GNAQ: variants seen among roughly 807,000 people sequenced by gnomAD.
GNAQ encodes the protein guanine nucleotide-binding protein G(q) subunit alpha.
A neutral mutation model predicts 43.9 loss-of-function variants in GNAQ; 8 were observed. That is an observed-to-expected ratio of 0.18 (90% CI 0.11 to 0.33). GNAQ has a LOEUF of 0.33. GNAQ is among the 10% of genes least tolerant of loss of function. GNAQ has a pLI of 1.00. For synonymous variants in GNAQ, 155 were observed against 170.7 expected, an observed-to-expected ratio of 0.91 and a Z score of 0.71; for missense variants, 158 against 450.8, an observed-to-expected ratio of 0.35 and a Z score of 5.88.
At chr9:77,860,582 C>T (rs1324554479) in intron 2 of GNAQ, among the ~76,000 whole-genome samples, 1 of 152,170 alleles carries the variant, frequency 6.6e-6, no homozygotes, top group Non-Finnish European at 1.5e-5. Flanking sequence ...GCACAGTTCA[C>T]AATAGGGTTT....
At chr9:77,785,010 T>G (rs1041902784) in intron 5 of GNAQ, among the ~76,000 whole-genome samples, 15 of 152,196 alleles carry the variant, frequency 9.9e-5, no homozygotes, top group African/African-American at 3.6e-4. Flanking sequence ...TTCCAATGTT[T>G]AAACTGTTTG....
At chr9:77,965,815 C>T (rs1446305166) in intron 1 of GNAQ, among the ~76,000 whole-genome samples, 1 of 150,170 alleles carries the variant, frequency 6.7e-6, no homozygotes, top group Non-Finnish European at 1.5e-5. Flanking sequence ...TCCAGCCATT[C>T]CAGTCCTTGG....
intron 6 of GNAQ, among the ~76,000 whole-genome samples, chr9:77,726,873 T>C (rs1430233760): frequency 6.6e-6 from 1 of 152,208 alleles, no homozygotes; most frequent in Non-Finnish European, 1.5e-5. Flanking sequence ...GACCACGGCT[T>C]GGCAAACTTT....
chr9:77,800,283 T>C (rs1267255574), intron 3 of GNAQ, among the ~76,000 whole-genome samples: 5 of 151,956 alleles, frequency 3.3e-5, no homozygotes, highest in African/African-American at 4.8e-5. Context: ...CGTATGTTTA[T>C]TGCGGCATTA....
At chr9:77,988,252 C>T (rs987444510) in intron 1 of GNAQ, among the ~76,000 whole-genome samples, 1 of 152,206 alleles carries the variant, frequency 6.6e-6, no homozygotes, top group African/African-American at 2.4e-5. Flanking sequence ...AGAAGGTTCT[C>T]CACAGAGGAA....
chr9:77,975,750 G>A (rs1461705701), intron 1 of GNAQ, among the ~76,000 whole-genome samples: 2 of 148,452 alleles, frequency 1.3e-5, no homozygotes, highest in Admixed American at 6.7e-5. Context: ...ATGTTGGCCA[G>A]GATGGTTGAT....
intron 2 of GNAQ, among the ~76,000 whole-genome samples, chr9:77,902,845 A>G (rs1392915364): frequency 6.6e-6 from 1 of 152,220 alleles, no homozygotes; most frequent in African/African-American, 2.4e-5. Flanking sequence ...ACCATAAGCT[A>G]TGGTAACTGA....
intron 5 of GNAQ, among the ~76,000 whole-genome samples, chr9:77,759,076 A>G (rs963825095): frequency 1.3e-5 from 2 of 152,206 alleles, no homozygotes; most frequent in Admixed American, 6.5e-5. Flanking sequence ...ACGAGTCTCT[A>G]AAGACACAGT....
chr9:77,867,796 A>G (rs1205528754), intron 2 of GNAQ, among the ~76,000 whole-genome samples: 1 of 152,200 alleles, frequency 6.6e-6, no homozygotes, highest in East Asian at 1.9e-4. Context: ...GGCCCATCCA[A>G]TATGGATTAT....
intron 2 of GNAQ, among the ~76,000 whole-genome samples, chr9:77,859,906 A>G (rs1827815689): frequency 6.6e-6 from 1 of 152,250 alleles, no homozygotes; most frequent in Non-Finnish European, 1.5e-5. Context: ...CTAGTAAGCT[A>G]GCAAAATTAC....
intron 5 of GNAQ, among the ~76,000 whole-genome samples, chr9:77,733,981 T>A (rs1587889100): frequency 1.3e-5 from 2 of 152,234 alleles, no homozygotes. Context: ...AGACCCCAGC[T>A]GGAAGCTAGC....
chr9:77,875,846 T>C (rs1043750079), intron 2 of GNAQ, among the ~76,000 whole-genome samples: 2 of 152,106 alleles, frequency 1.3e-5, no homozygotes, highest in Non-Finnish European at 2.9e-5. Context: ...TAACTCACCA[T>C]TGCTATTTTT....
At chr9:77,942,112 G>A (rs576458436) in intron 1 of GNAQ, among the ~76,000 whole-genome samples, 63 of 152,154 alleles carry the variant, frequency 4.1e-4, no homozygotes, top group Admixed American at 3.3e-3. Context: ...TAAAACAGTT[G>A]TTAAGAAACT....
intron 2 of GNAQ, among the ~76,000 whole-genome samples, chr9:77,850,962 C>A (rs1827667192): frequency 6.6e-6 from 1 of 152,130 alleles, no homozygotes; most frequent in African/African-American, 2.4e-5. Context: ...CACCATTGCT[C>A]TTTTCTCCTC....
intron 2 of GNAQ, among the ~76,000 whole-genome samples, chr9:77,833,479 G>T (rs1333163100): frequency 6.6e-6 from 1 of 152,178 alleles, no homozygotes; most frequent in Non-Finnish European, 1.5e-5. Context: ...AGTCCCCAGG[G>T]TAAGTGGGAA....
At chr9:77,748,748 C>T (rs1157862997) in intron 5 of GNAQ, among the ~76,000 whole-genome samples, 1 of 152,144 alleles carries the variant, frequency 6.6e-6, no homozygotes, top group East Asian at 1.9e-4. Flanking sequence ...ATAGGTAGCA[C>T]AGCAAGAACA....
chr9:77,806,283 T>G (rs1457366205), intron 3 of GNAQ, among the ~76,000 whole-genome samples: 1 of 152,244 alleles, frequency 6.6e-6, no homozygotes, highest in Admixed American at 6.5e-5. Flanking sequence ...AAGAAATAGC[T>G]GAAGATTACT....
At chr9:78,006,261 T>A (rs1230245431) in intron 1 of GNAQ, among the ~76,000 whole-genome samples, 1 of 152,190 alleles carries the variant, frequency 6.6e-6, no homozygotes, top group Non-Finnish European at 1.5e-5. Context: ...ATCCATTATG[T>A]GTGTGATAAG....
chr9:77,814,897 G>A (rs1289885419), intron 3 of GNAQ, among the ~76,000 whole-genome samples: 1 of 152,154 alleles, frequency 6.6e-6, no homozygotes, highest in Non-Finnish European at 1.5e-5. Context: ...TATCTACATT[G>A]CTGACTACAT....
Sources: allele counts gnomAD v4.1 joint callset (sites outside exome capture counted in the v4.1 genomes callset), GRCh38; gene constraint gnomAD v4.1.1; transcripts MANE v1.5; gene names NCBI Gene and HGNC (gene_info 2026-07-23, HGNC 2026-07-21).